The following MOB3B variants were observed in gnomAD, a reference collection of about 807,000 sequenced individuals.
MOB3B encodes the protein MOB kinase activator 3B, also known as MOB kinase activator-like 2B.
A neutral mutation model predicts 18.7 loss-of-function variants in MOB3B; 7 were observed. The ratio of observed to expected loss-of-function variants is 0.37; its 90% CI spans 0.21 to 0.70. The LOEUF is 0.70. Ranked by LOEUF, MOB3B falls within the 30% of genes least tolerant of loss-of-function variation. The pLI is 0.52. For missense variants in MOB3B, 253 were observed against 281.3 expected, an observed-to-expected ratio of 0.90 and a Z score of 0.72; for synonymous variants, 111 against 99.9, an observed-to-expected ratio of 1.11 and a Z score of -0.66.
chr9:27,481,515 T>TGTTTG (rs1167454508), intron 1 of MOB3B, among the ~76,000 whole-genome samples: 1 of 135,762 alleles, frequency 7.4e-6, no homozygotes, highest in African/African-American at 2.8e-5. Flanking sequence ...TTTTTTGTTT[T>TGTTTG]TTTTGTTTTT....
chr9:27,360,544 T>A (rs1206655459), intron 2 of MOB3B, among the ~76,000 whole-genome samples: 1 of 152,102 alleles, frequency 6.6e-6, no homozygotes, highest in Non-Finnish European at 1.5e-5. Context: ...ACAAAAGAAT[T>A]ACCCTTGTCA....
Position 27,529,632 on chromosome 9 carries a change from G to A in MOB3B, c.-276C>T. 1 of 985,620 alleles carries A rather than the reference G, an allele frequency of 1.0e-6. No homozygotes were observed. Among genetic ancestry groups the A allele is most frequent in the Non-Finnish European group, 1.2e-6 (1 of 830,068 alleles). 61.1% of individuals were successfully genotyped at this position (985,620 alleles called of 1,614,324 possible). A position where few individuals can be genotyped will look rare whatever the true frequency, so the allele number is the denominator to read the frequency against. On this transcript the variant is annotated 5_prime_UTR_variant, in exon 1 of 4. Transcript: ENST00000262244. ...GCTGCAGCCAGCGCGAAAGAAAATG[G>A]TGAGCTCGGGGCAGGTGGGGCGTCG...
At chr9:27,477,092 G>C (rs920423560) in intron 1 of MOB3B, among the ~76,000 whole-genome samples, 9 of 152,136 alleles carry the variant, frequency 5.9e-5, no homozygotes, top group Admixed American at 2.0e-4. Flanking sequence ...AGTCAGACAG[G>C]GCATTCAAAA....
chr9:27,488,166 A>G (rs1435380721), intron 1 of MOB3B, among the ~76,000 whole-genome samples: 1 of 152,096 alleles, frequency 6.6e-6, no homozygotes, highest in East Asian at 1.9e-4. Context: ...GCTGTTTCCT[A>G]TTATGTTGTA....
intron 3 of MOB3B, among the ~76,000 whole-genome samples, chr9:27,348,176 C>T (rs1211754128): frequency 1.3e-5 from 2 of 152,032 alleles, no homozygotes; most frequent in African/African-American, 4.8e-5. Flanking sequence ...AGTCAGATTT[C>T]TTAAGCAATG....
intron 2 of MOB3B, among the ~76,000 whole-genome samples, chr9:27,368,611 TG>T (rs1188306976): frequency 1.3e-5 from 2 of 152,102 alleles, no homozygotes; most frequent in Non-Finnish European, 2.9e-5. Flanking sequence ...CAGCTGCAAA[TG>T]CTTAGAAATA....
At chr9:27,518,344 G>C (rs1464052750) in intron 1 of MOB3B, among the ~76,000 whole-genome samples, 1 of 152,290 alleles carries the variant, frequency 6.6e-6, no homozygotes, top group East Asian at 1.9e-4. Flanking sequence ...TATTCACTGA[G>C]TAAAGAGAAG....
At chr9:27,433,328 T>A (rs939850792) in intron 2 of MOB3B, among the ~76,000 whole-genome samples, 2 of 152,190 alleles carry the variant, frequency 1.3e-5, no homozygotes, top group Middle Eastern at 3.2e-3. Flanking sequence ...TCCACCTATG[T>A]CTGCACCATG....
intron 1 of MOB3B, among the ~76,000 whole-genome samples, chr9:27,478,333 G>T (rs1015699285): frequency 6.8e-6 from 1 of 146,894 alleles, no homozygotes; most frequent in South Asian, 2.1e-4. Flanking sequence ...AGAAGAATTA[G>T]CACCTCTAAG....
chr9:27,366,053 G>T (rs1821338421), intron 2 of MOB3B, among the ~76,000 whole-genome samples: 1 of 152,176 alleles, frequency 6.6e-6, no homozygotes, highest in South Asian at 2.1e-4. Flanking sequence ...GCAGGCCAGG[G>T]TGCTGGGGTG....
At chr9:27,482,992 G>A (rs1201455047) in intron 1 of MOB3B, among the ~76,000 whole-genome samples, 3 of 150,608 alleles carry the variant, frequency 2.0e-5, no homozygotes, top group East Asian at 1.9e-4. Context: ...TAGCTACAGC[G>A]CTTGCAGTTT....
intron 2 of MOB3B, among the ~76,000 whole-genome samples, chr9:27,411,126 C>T (rs1224814913): frequency 6.6e-6 from 1 of 152,150 alleles, no homozygotes. Context: ...GGGTTTGATA[C>T]AATGATGTAT....
intron 3 of MOB3B, among the ~76,000 whole-genome samples, chr9:27,333,183 A>G (rs1055424227): frequency 1.3e-5 from 2 of 152,160 alleles, no homozygotes; most frequent in Non-Finnish European, 2.9e-5. Context: ...GAGATGCAGG[A>G]TAAAAACTGT....
chr9:27,433,034 C>T (rs1822439454), intron 2 of MOB3B, among the ~76,000 whole-genome samples: 1 of 151,940 alleles, frequency 6.6e-6, no homozygotes. Flanking sequence ...AGAAAATCAA[C>T]ATCTTTATTT....
intron 3 of MOB3B, among the ~76,000 whole-genome samples, chr9:27,351,988 C>T (rs543585229): frequency 1.4e-4 from 22 of 152,276 alleles, no homozygotes; most frequent in Admixed American, 1.2e-3. Context: ...CACCTACACA[C>T]TGGGGGTGGG....
At chr9:27,478,201 G>T (rs1040837363) in intron 1 of MOB3B, among the ~76,000 whole-genome samples, 1 of 152,090 alleles carries the variant, frequency 6.6e-6, no homozygotes, top group African/African-American at 2.4e-5. Context: ...AACTCAAATT[G>T]TTCTGTAGAA....
intron 2 of MOB3B, among the ~76,000 whole-genome samples, chr9:27,420,558 T>TTCC (rs1822230517): frequency 1.5e-5 from 1 of 66,876 alleles, no homozygotes; most frequent in South Asian, 7.5e-4. Flanking sequence ...CATATATATA[T>TTCC]ATATATATAT....
chr9:27,444,816 G>C (rs891843632), intron 2 of MOB3B, among the ~76,000 whole-genome samples: 1 of 152,080 alleles, frequency 6.6e-6, no homozygotes, highest in African/African-American at 2.4e-5. Context: ...GTGAGGATTA[G>C]AAAAAATATA....
At chr9:27,337,555 C>T (rs1457775991) in intron 3 of MOB3B, among the ~76,000 whole-genome samples, 1 of 152,234 alleles carries the variant, frequency 6.6e-6, no homozygotes. Context: ...ATTTCCTTAT[C>T]TCAAGATCTA....
Sources: allele counts gnomAD v4.1 joint callset (sites outside exome capture counted in the v4.1 genomes callset), GRCh38; gene constraint gnomAD v4.1.1; transcripts MANE v1.5; gene names NCBI Gene and HGNC (gene_info 2026-07-23, HGNC 2026-07-21).